Variants in KCNMA1 observed in about 807,000 individuals in gnomAD.
KCNMA1 encodes Calcium-activated potassium channel subunit alpha-1.
Under a neutral mutation model 140.0 loss-of-function variants are expected in KCNMA1, and 29 were observed. The observed-to-expected ratio is 0.21, with a 90% CI of 0.15 to 0.28. KCNMA1 has a LOEUF of 0.28. Among genes scored for constraint, KCNMA1 ranks in the 10% least tolerant of loss-of-function variants. KCNMA1 has a pLI of 1.00. For missense variants in KCNMA1, 880 were observed against 1,602.2 expected (o/e 0.55, Z 7.70); for synonymous variants, 612 against 611.9 (o/e 1.00, Z 0.00).
intron 1 of KCNMA1, among the ~76,000 whole-genome samples, chr10:77,413,158 C>T (rs112033630): frequency 0.015 from 2,279 of 152,264 alleles, 61 homozygotes; most frequent in African/African-American, 0.051. Flanking sequence ...CTCGCCCGGC[C>T]CCATGTTAGC....
chr10:77,255,810 G>T (rs1170689199), intron 2 of KCNMA1, among the ~76,000 whole-genome samples: 2 of 150,810 alleles, frequency 1.3e-5, no homozygotes, highest in East Asian at 2.0e-4. Flanking sequence ...CTACTCAGGA[G>T]GATGAGGCAG....
intron 1 of KCNMA1, among the ~76,000 whole-genome samples, chr10:77,493,357 A>T (rs1450249476): frequency 1.3e-5 from 2 of 152,250 alleles, no homozygotes; most frequent in African/African-American, 4.8e-5. Flanking sequence ...TTCGGATGGC[A>T]GCAAGCTGCC....
intron 2 of KCNMA1, among the ~76,000 whole-genome samples, chr10:77,352,331 C>G (rs992724969): frequency 1.3e-5 from 2 of 152,212 alleles, no homozygotes; most frequent in Non-Finnish European, 2.9e-5. Context: ...CATCTGTTGT[C>G]CCGTGATGCT....
chr10:77,216,516 C>T (rs2047835030), intron 3 of KCNMA1, among the ~76,000 whole-genome samples: 1 of 151,978 alleles, frequency 6.6e-6, no homozygotes, highest in Admixed American at 6.6e-5. Context: ...CTTTATATGC[C>T]ACCAAGAAAG....
At chr10:77,499,704 G>T (rs1185852622) in intron 1 of KCNMA1, among the ~76,000 whole-genome samples, 1 of 152,074 alleles carries the variant, frequency 6.6e-6, no homozygotes, top group African/African-American at 2.4e-5. Flanking sequence ...TTTCATATTT[G>T]TAATTAAGAC....
intron 9 of KCNMA1, among the ~76,000 whole-genome samples, chr10:77,092,550 G>A (rs966739149): frequency 2.6e-5 from 4 of 152,196 alleles, no homozygotes; most frequent in African/African-American, 7.2e-5. Flanking sequence ...GGCTGAGGCT[G>A]TTCTCATCAC....
At chr10:76,995,758 G>A in intron 19 of KCNMA1, 1 of 461,528 alleles carries the variant, frequency 2.2e-6, no homozygotes, top group Non-Finnish European at 4.5e-6. Flanking sequence ...CCTTGCATAA[G>A]GGCCTCTTCT....
chr10:77,257,665 G>A (rs770554295), intron 2 of KCNMA1, among the ~76,000 whole-genome samples: 4 of 152,286 alleles, frequency 2.6e-5, no homozygotes, highest in African/African-American at 4.8e-5. Context: ...CAATTCCCAC[G>A]TGTTGTGGGA....
chr10:77,527,958 G>C (rs964308516), intron 1 of KCNMA1, among the ~76,000 whole-genome samples: 1 of 152,158 alleles, frequency 6.6e-6, no homozygotes, highest in African/African-American at 2.4e-5. Flanking sequence ...GGGTGTGTTG[G>C]GGAGAGACTG....
intron 5 of KCNMA1, among the ~76,000 whole-genome samples, chr10:77,173,486 G>A (rs780002654): frequency 3.9e-5 from 6 of 151,958 alleles, no homozygotes; most frequent in African/African-American, 7.3e-5. Flanking sequence ...ATTATATACT[G>A]TATGTACATA....
At chr10:77,185,898 C>T (rs2098845890) in intron 3 of KCNMA1, among the ~76,000 whole-genome samples, 2 of 151,816 alleles carry the variant, frequency 1.3e-5, no homozygotes, top group South Asian at 2.1e-4. Context: ...AGGCCAGGAA[C>T]GTGAAGGTGA....
intron 2 of KCNMA1, among the ~76,000 whole-genome samples, chr10:77,283,773 A>AT (rs1321690743): frequency 4.6e-5 from 7 of 152,212 alleles, no homozygotes; most frequent in African/African-American, 1.7e-4. Context: ...GAACTTAACA[A>AT]TGTCAGTTAA....
intron 3 of KCNMA1, among the ~76,000 whole-genome samples, chr10:77,215,353 A>G (rs1385588949): frequency 1.4e-5 from 2 of 147,296 alleles, no homozygotes; most frequent in African/African-American, 5.0e-5. Context: ...TCTGAACATG[A>G]TTACAGATTG....
chr10:77,474,605 C>T (rs928803613), intron 1 of KCNMA1, among the ~76,000 whole-genome samples: 12 of 152,122 alleles, frequency 7.9e-5, no homozygotes, highest in Middle Eastern at 3.4e-3. Context: ...ACATGGGGCG[C>T]GGTAGGGTGT....
chr10:77,001,614 G>T, intron 18 of KCNMA1, 34 bp from the exon 19 acceptor site: 1 of 1,522,446 alleles, frequency 6.6e-7, no homozygotes, highest in Non-Finnish European at 8.9e-7. Flanking sequence ...AGGAGAGGAA[G>T]AGCGGCAATT....
At chr10:77,483,909 C>G (rs971668180) in intron 1 of KCNMA1, among the ~76,000 whole-genome samples, 12 of 152,138 alleles carry the variant, frequency 7.9e-5, no homozygotes, top group African/African-American at 2.9e-4. Flanking sequence ...TTCAGGAAAC[C>G]ACACTGAGTT....
At chr10:76,952,154 T>C (rs2066510712) in intron 21 of KCNMA1, 8 of 1,551,328 alleles carry the variant, frequency 5.2e-6, no homozygotes, top group Non-Finnish European at 6.1e-6. Context: ...GCATCCAGCC[T>C]GTGACCTGCC....
chr10:77,380,845 C>T, intron 2 of KCNMA1, among the ~76,000 whole-genome samples: 1 of 152,202 alleles, frequency 6.6e-6, no homozygotes, highest in East Asian at 1.9e-4. Context: ...AGCGTGTCTG[C>T]TGTTTACTTC....
chr10:77,087,811 C>T (rs1048347996), intron 10 of KCNMA1, among the ~76,000 whole-genome samples: 6 of 152,004 alleles, frequency 3.9e-5, no homozygotes, highest in Admixed American at 6.6e-5. Context: ...CGCCAGGTAC[C>T]GTGATAAGTC....
Sources: allele counts gnomAD v4.1 joint callset (sites outside exome capture counted in the v4.1 genomes callset), GRCh38; gene constraint gnomAD v4.1.1; transcripts MANE v1.5; gene names NCBI Gene and HGNC (gene_info 2026-07-23, HGNC 2026-07-21).